The following CORIN variants were observed in gnomAD, a reference collection of about 807,000 sequenced individuals.
CORIN encodes the protein corin, serine peptidase.
A neutral mutation model predicts 125.3 loss-of-function variants in CORIN; 117 were observed. The ratio of observed to expected loss-of-function variants is 0.93; its 90% confidence interval spans 0.80 to 1.09. The LOEUF (loss-of-function observed/expected upper bound fraction) is 1.09. CORIN is among the 50% of genes least tolerant of loss of function. The pLI, the probability that CORIN is intolerant of heterozygous loss-of-function variation, is 0.00. For missense variants in CORIN, 1,253 were observed against 1,306.7 expected (o/e 0.96, Z 0.63); for synonymous variants, 450 against 466.4 (o/e 0.96, Z 0.45).
At chr4:47,773,866 A>G (rs1250424524) in intron 3 of CORIN, among the ~76,000 whole-genome samples, 1 of 151,620 alleles carries the variant, frequency 6.6e-6, no homozygotes, top group African/African-American at 2.4e-5. Context: ...TAAAAGGTAT[A>G]TTTATCTTTT....
chr4:47,824,450 G>A (rs1027794086), intron 1 of CORIN, among the ~76,000 whole-genome samples: 5 of 152,072 alleles, frequency 3.3e-5, no homozygotes, highest in African/African-American at 9.7e-5. Context: ...GCCACTTCAC[G>A]TTCTCACCAG....
intron 20 of CORIN, 111 bp downstream of exon 20, chr4:47,603,286 C>T: frequency 1.7e-6 from 2 of 1,143,364 alleles, no homozygotes; most frequent in Non-Finnish European, 2.5e-6. Flanking sequence ...TTCCTGAGGC[C>T]TCCCCATCCC....
intron 3 of CORIN, among the ~76,000 whole-genome samples, chr4:47,769,745 G>A (rs1016954318): frequency 5.9e-5 from 9 of 152,040 alleles, no homozygotes; most frequent in African/African-American, 2.2e-4. Flanking sequence ...CAACAAAGAT[G>A]CCAAGAATAC....
intron 5 of CORIN, among the ~76,000 whole-genome samples, chr4:47,740,484 T>A (rs1034334931): frequency 6.6e-6 from 1 of 151,964 alleles, no homozygotes; most frequent in African/African-American, 2.4e-5. Context: ...AAATCCCTCC[T>A]CTTTTCTGAT....
intron 3 of CORIN, among the ~76,000 whole-genome samples, chr4:47,772,176 T>C (rs1053477042): frequency 6.6e-6 from 1 of 152,190 alleles, no homozygotes; most frequent in Non-Finnish European, 1.5e-5. Flanking sequence ...GGTTTTAAGA[T>C]GTTTAAATCA....
At chr4:47,627,405 A>G (rs938986706) in intron 16 of CORIN, among the ~76,000 whole-genome samples, 1 of 152,238 alleles carries the variant, frequency 6.6e-6, no homozygotes, top group Non-Finnish European at 1.5e-5. Context: ...TGATGATAGA[A>G]TAAGAGCCAA....
intron 10 of CORIN, among the ~76,000 whole-genome samples, chr4:47,673,215 TA>T (rs1724848934): frequency 6.7e-6 from 1 of 149,058 alleles, no homozygotes; most frequent in South Asian, 2.1e-4. Context: ...AATAAATAAA[TA>T]AATAAATAAA....
At chr4:47,775,359 CT>C (rs1730248738) in intron 3 of CORIN, among the ~76,000 whole-genome samples, 1 of 152,026 alleles carries the variant, frequency 6.6e-6, no homozygotes, top group South Asian at 2.1e-4. Flanking sequence ...CTAATGCTAT[CT>C]CTCCCCCCTC....
At chr4:47,756,402 C>A (rs1019801543) in intron 4 of CORIN, among the ~76,000 whole-genome samples, 1 of 152,206 alleles carries the variant, frequency 6.6e-6, no homozygotes, top group Admixed American at 6.5e-5. Context: ...CAAGCGCATT[C>A]TCTGCAGTTG....
At chr4:47,624,002 A>T in intron 17 of CORIN, 54 bp from the exon 18 acceptor site, 1 of 1,459,314 alleles carries the variant, frequency 6.9e-7, no homozygotes, top group South Asian at 1.1e-5. Flanking sequence ...TTCTTGTTCA[A>T]TTCAAACACT....
intron 4 of CORIN, among the ~76,000 whole-genome samples, chr4:47,753,093 G>A (rs73144297): frequency 2.2e-4 from 33 of 152,260 alleles, no homozygotes; most frequent in African/African-American, 7.7e-4. Flanking sequence ...AGAGTACAAA[G>A]AGAGGAATTT....
chr4:47,765,227 T>C lies in CORIN; in HGVS notation c.410-1641A>G, dbSNP rs549000514. ...GCGGGAGGCTGAGGCAGGAGAATGG[T>C]GTGAACCCGGGAGGCGGAGCTTGTA... On this transcript the variant is annotated intron_variant, in intron 3 of 21. Transcript: ENST00000273857. Among the ~76,000 whole-genome samples the C allele has an allele frequency of 1.3e-4, 19 of 150,972 alleles. No individual in the cohort carries two copies. In the South Asian group the frequency reaches 4.0e-3, roughly 32 times the overall value.
intron 8 of CORIN, among the ~76,000 whole-genome samples, chr4:47,679,257 A>G (rs1159561846): frequency 6.6e-6 from 1 of 152,230 alleles, no homozygotes; most frequent in African/African-American, 2.4e-5. Flanking sequence ...AGGGGGAAAA[A>G]GTGTTAATAG....
chr4:47,816,315 T>C (rs1264221713), intron 1 of CORIN, among the ~76,000 whole-genome samples: 7 of 152,314 alleles, frequency 4.6e-5, no homozygotes, highest in African/African-American at 1.7e-4. Flanking sequence ...ATCATATGTT[T>C]TGCTATAGTT....
chr4:47,790,999 T>C (rs1731053151), intron 2 of CORIN, among the ~76,000 whole-genome samples: 1 of 152,176 alleles, frequency 6.6e-6, no homozygotes. Context: ...ATGAAGAGAT[T>C]GGGCACTGTG....
intron 1 of CORIN, among the ~76,000 whole-genome samples, chr4:47,822,080 A>G (rs4695278): frequency 0.39 from 59,278 of 152,140 alleles, 11,970 homozygotes; most frequent in Non-Finnish European, 0.44. Flanking sequence ...AAAAATGTCC[A>G]TGACTACAAA....
intron 19 of CORIN, 101 bp from the exon 20 acceptor site, chr4:47,603,769 A>T: frequency 7.8e-7 from 1 of 1,287,582 alleles, no homozygotes; most frequent in South Asian, 1.5e-5. Context: ...AATAATGGCC[A>T]TTTTCATGCC....
chr4:47,599,934 T>A (rs991289490), intron 21 of CORIN, among the ~76,000 whole-genome samples: 1 of 152,198 alleles, frequency 6.6e-6, no homozygotes, highest in African/African-American at 2.4e-5. Context: ...TTGAATGAGA[T>A]GAACAGGAAA....
Position 47,643,195 on chromosome 4 carries a change from C to T in CORIN, c.2019G>A (p.Trp673Ter), listed in dbSNP as rs757542044. 1 of 1,614,054 alleles carries T rather than the reference C, an allele frequency of 6.2e-7. No homozygotes were observed. The highest frequency in any genetic ancestry group is 8.5e-7 in the Non-Finnish European group (1 of 1,179,970). Residue 673 changes from tryptophan to a stop codon, truncating the protein, a stop_gained, in exon 15 of 22, where the codon TGG (tryptophan) becomes TGA (stop). Coordinates refer to ENST00000273857, the MANE Select transcript of CORIN (RefSeq NM_006587.4). LOFTEE classifies it high-confidence loss of function. ...CTGAGCAGTCGGCTTCACCATCACA[C>T]CACAGGTCACGTGACACACACGCAT... is the stretch of plus-strand genomic sequence containing the variant. Reference protein sequence around the residue: ...ANHACVSRDLWCDGEADCSDS... With the variant: ...ANHACVSRDL
Sources: allele counts gnomAD v4.1 joint callset (sites outside exome capture counted in the v4.1 genomes callset), GRCh38; gene constraint gnomAD v4.1.1; transcripts MANE v1.5; gene names NCBI Gene and HGNC (gene_info 2026-07-23, HGNC 2026-07-21).